Variants in LAMB1 observed in about 807,000 individuals in gnomAD.
LAMB1 encodes laminin subunit beta 1, also known as laminin subunit beta-1.
Under a neutral mutation model 222.3 loss-of-function variants are expected in LAMB1, and 121 were observed. The observed-to-expected ratio is 0.54, with a 90% CI of 0.47 to 0.63. The LOEUF is 0.63. LAMB1 is among the 30% of genes least tolerant of loss of function. LAMB1 has a pLI of 0.00. For missense variants in LAMB1, 2,172 were observed against 2,240.8 expected (o/e 0.97, Z 0.62); for synonymous variants, 794 against 807.2 (o/e 0.98, Z 0.28).
intron 24 of LAMB1, among the ~76,000 whole-genome samples, chr7:107,942,964 C>T (rs901433585): frequency 2.6e-5 from 4 of 151,996 alleles, no homozygotes; most frequent in Admixed American, 2.6e-4. Flanking sequence ...TTTTCAAAAC[C>T]AAGACCTTAG....
intron 25 of LAMB1, among the ~76,000 whole-genome samples, chr7:107,937,866 T>C (rs908866795): frequency 2.0e-5 from 3 of 151,774 alleles, no homozygotes; most frequent in Non-Finnish European, 2.9e-5. Context: ...TAGCATCTAC[T>C]AAGAATGAAA....
At chr7:107,963,150 A>G in intron 14 of LAMB1, 87 bp from the exon 15 acceptor site, 1 of 1,264,656 alleles carries the variant, frequency 7.9e-7, no homozygotes. Context: ...AGTCACCCAA[A>G]GATTCAAAAA....
chr7:107,952,057 G>C lies in LAMB1; in HGVS notation c.3246C>G (p.Asp1082Glu), dbSNP rs753835817. 2 of 1,614,062 alleles carry C rather than the reference G, an allele frequency of 1.2e-6. No individual in the cohort carries two copies. The highest frequency in any genetic ancestry group is 1.7e-6 in the Non-Finnish European group (2 of 1,180,002). Residue 1082 changes from aspartate to glutamate, a missense_variant, in exon 23 of 34, where the codon GAC (aspartate) becomes GAG (glutamate). Asp to Glu is a conservative substitution (Grantham distance 45). Transcript: ENST00000222399. ...AATGAGCAGCATTGCAGTTGCATGGGTCACAGCCAGTGCCACTGGCCAGCT... is the reference window on the plus strand; with the variant it reads ...AATGAGCAGCATTGCAGTTGCATGGCTCACAGCCAGTGCCACTGGCCAGCT... ...TWQLASGTGC[D>E]PCNCNAAHSF...
At position 107,951,141 on chromosome 7, in the gene LAMB1, GTTTTATAA is replaced by G. The variant is rs563722934; in HGVS notation, c.3391+77_3391+84del. The G allele has an allele frequency of 7.2e-5, 68 of 949,432 alleles. 1 individual carries two copies. The South Asian group carries it at 9.2e-4, about 13-fold the overall frequency. The allele number at this position is 949,432 out of a possible 1,614,324, so 58.8% of individuals were successfully genotyped here. A position where few individuals can be genotyped will look rare whatever the true frequency, so the allele number is the denominator to read the frequency against. On this transcript the variant is annotated intron_variant, in intron 24 of 33. Coordinates refer to ENST00000222399, the MANE Select transcript of LAMB1 (RefSeq NM_002291.3). ...TTATAGACACGTTAATTTGTACTGT[GTTTTATAA>G]TTTACAGAAGGCTCTTGTAGAACCC...
chr7:107,971,782 G>T (rs1244489065), intron 13 of LAMB1, among the ~76,000 whole-genome samples: 1 of 152,202 alleles, frequency 6.6e-6, no homozygotes, highest in African/African-American at 2.4e-5. Flanking sequence ...CAGGAAGTGT[G>T]TATGGAATAG....
At chr7:107,982,949 A>T (rs1274592633) in intron 7 of LAMB1, among the ~76,000 whole-genome samples, 1 of 152,202 alleles carries the variant, frequency 6.6e-6, no homozygotes, top group Non-Finnish European at 1.5e-5. Flanking sequence ...ACATCCTCCA[A>T]GTCCCACAAA....
At chr7:107,976,616 A>G (rs1284316037) in intron 9 of LAMB1, among the ~76,000 whole-genome samples, 3 of 152,018 alleles carry the variant, frequency 2.0e-5, no homozygotes, top group South Asian at 2.1e-4. Flanking sequence ...CTGCAACACA[A>G]CAGCCTGCAG....
Position 107,975,769 on chromosome 7 carries a change from A to G in LAMB1, c.1109T>C (p.Met370Thr), listed in dbSNP as rs957623702. 1 of 1,614,070 alleles carries G rather than the reference A, an allele frequency of 6.2e-7. No individual in the cohort carries two copies. Among genetic ancestry groups the G allele is most frequent in the East Asian group, 2.2e-5 (1 of 44,882 alleles). Reference protein sequence around the residue: ...GVCDDCQHNTMGRNCEQCKPF... With the variant: ...GVCDDCQHNTTGRNCEQCKPF... ...CTTGCACTGCTCACAGTTGCGCCCCATGGTGTTGTGCTGACAGTCATCACA... is the reference window on the plus strand; with the variant it reads ...CTTGCACTGCTCACAGTTGCGCCCCGTGGTGTTGTGCTGACAGTCATCACA... Residue 370 changes from methionine (M) to threonine (T), a missense_variant, in exon 10 of 34, where the codon ATG becomes ACG. Transcript: ENST00000222399.
intron 5 of LAMB1, among the ~76,000 whole-genome samples, chr7:107,994,164 G>A (rs1351535879): frequency 6.6e-6 from 1 of 152,210 alleles, no homozygotes; most frequent in African/African-American, 2.4e-5. Flanking sequence ...GTGAGCCAAT[G>A]TGTACTTTAA....
intron 28 of LAMB1, chr7:107,931,736 G>A (rs1168669282): frequency 1.9e-6 from 1 of 523,214 alleles, no homozygotes; most frequent in Non-Finnish European, 3.3e-6. Flanking sequence ...AATTTTTCAA[G>A]TTGTTTTTTA....
chr7:107,999,018 G>C (rs953875533), intron 3 of LAMB1, among the ~76,000 whole-genome samples: 2 of 152,224 alleles, frequency 1.3e-5, no homozygotes, highest in African/African-American at 4.8e-5. Flanking sequence ...TGCCCGAGCA[G>C]TGAATCAATG....
chr7:107,975,992 G>A, intron 9 of LAMB1, 115 bp from the exon 10 acceptor site: 1 of 832,610 alleles, frequency 1.2e-6, no homozygotes, highest in Non-Finnish European at 1.8e-6. Flanking sequence ...CAAAATGGCA[G>A]TCAACAAGCA....
chr7:107,935,982 T>A (rs1328906534), intron 26 of LAMB1, among the ~76,000 whole-genome samples: 2 of 152,190 alleles, frequency 1.3e-5, no homozygotes. Context: ...ACTAGATGAC[T>A]TTTCTCAATC....
intron 24 of LAMB1, among the ~76,000 whole-genome samples, chr7:107,941,715 C>T (rs2032985706): frequency 6.7e-6 from 1 of 148,934 alleles, no homozygotes; most frequent in Non-Finnish European, 1.5e-5. Context: ...AGTACAATGG[C>T]GCGATCTCGG....
intron 15 of LAMB1, among the ~76,000 whole-genome samples, chr7:107,962,180 G>A (rs1441455732): frequency 6.6e-6 from 1 of 152,122 alleles, no homozygotes; most frequent in East Asian, 1.9e-4. Flanking sequence ...CTAGGAAAAC[G>A]TTTTGGTAGC....
intron 20 of LAMB1, among the ~76,000 whole-genome samples, chr7:107,955,898 GTTTT>G (rs58278482): frequency 2.0e-5 from 3 of 151,534 alleles, no homozygotes; most frequent in East Asian, 2.0e-4. Flanking sequence ...ACACCTGGCT[GTTTT>G]TTTGTTTGTT....
chr7:107,938,416 A>T (rs547405503), intron 25 of LAMB1, among the ~76,000 whole-genome samples: 2 of 151,988 alleles, frequency 1.3e-5, no homozygotes, highest in Non-Finnish European at 2.9e-5. Context: ...AAATGATACA[A>T]TTTTTTTTAA....
chr7:107,946,875 G>C (rs2033127907), intron 24 of LAMB1, among the ~76,000 whole-genome samples: 1 of 152,170 alleles, frequency 6.6e-6, no homozygotes. Flanking sequence ...GCATGATGGG[G>C]AAGTGGCCAC....
Position 107,973,068 on chromosome 7 carries a change from C to T in LAMB1, c.1486G>A (p.Glu496Lys). The change falls in exon 13 of 34, where the codon GAG becomes AAG. Residue 496 changes from glutamate to lysine, a missense_variant. By Grantham distance (56) the Glu-to-Lys change is moderately conservative. Transcript: ENST00000222399. The part of the protein sequence containing the change: ...TGQHCDQCLP[E>K]HWGLSNDLDG... ...AAATCATTGCTTAAGCCCCAGTGCT[C>T]TGGCTGCAGAACAAAACGTGAAACA... 6.2e-7 allele frequency: 1 copy of T among 1,613,712 alleles called. No homozygotes were observed. The highest frequency in any genetic ancestry group is 8.5e-7 in the Non-Finnish European group (1 of 1,179,610).
Sources: allele counts gnomAD v4.1 joint callset (sites outside exome capture counted in the v4.1 genomes callset), GRCh38; gene constraint gnomAD v4.1.1; transcripts MANE v1.5; gene names NCBI Gene and HGNC (gene_info 2026-07-23, HGNC 2026-07-21).